The following APBA2 variants were observed in gnomAD, a reference collection of about 807,000 sequenced individuals.
APBA2 encodes the protein amyloid-beta A4 precursor protein-binding family A member 2.
In APBA2, 30 loss-of-function variants were observed where a neutral mutation model predicts 75.0. That is an observed-to-expected ratio of 0.40 (90% confidence interval 0.30 to 0.54). The LOEUF (loss-of-function observed/expected upper bound fraction) is 0.54. Among genes scored for constraint, APBA2 ranks in the 20% least tolerant of loss-of-function variants. The pLI is 0.49. For synonymous variants in APBA2, 444 were observed against 409.6 expected (o/e 1.08, Z -1.01); for missense variants, 801 against 1,016.1 (o/e 0.79, Z 2.88).
In APBA2 at chr15:29,054,843, C is replaced by T. The variant is rs2152890117; in HGVS notation, c.951+8C>T. On this transcript the variant is annotated splice_region_variant and intron_variant, in intron 4 of 14. Coordinates refer to ENST00000683413, the MANE Select transcript of APBA2 (RefSeq NM_001353788.2). This position sits in a 1 kb window ranked among gnomAD's most constrained non-coding sequence, Gnocchi z 6.1. The stretch of plus-strand genomic sequence containing the variant: ...AAGTGGCCCCACGAGCAGGTAGGAC[C>T]CTGGCTGTCCTGGGGAAGGGAGCAG... The T allele has an allele frequency of 1.3e-6, 2 of 1,593,454 alleles. No homozygotes were observed. Among genetic ancestry groups the T allele is most frequent in the Non-Finnish European group, 1.7e-6 (2 of 1,177,004 alleles).
At chr15:29,014,321 T>C (rs1002973531) in intron 3 of APBA2, among the ~76,000 whole-genome samples, 1 of 152,216 alleles carries the variant, frequency 6.6e-6, no homozygotes. Flanking sequence ...CCTTTGCAGA[T>C]TCTATATCGG....
chr15:29,043,511 A>T (rs748089882), intron 3 of APBA2, among the ~76,000 whole-genome samples: 1 of 152,214 alleles, frequency 6.6e-6, no homozygotes, highest in Non-Finnish European at 1.5e-5. Context: ...TGACTAGAGG[A>T]AGGAAATAGG....
chr15:28,975,614 A>G (rs1385451146), intron 2 of APBA2, among the ~76,000 whole-genome samples: 1 of 152,230 alleles, frequency 6.6e-6, no homozygotes, highest in Non-Finnish European at 1.5e-5. Flanking sequence ...ATCCAAAAGC[A>G]ATGTAAAAAA....
rs754436488 is a variant in APBA2, at chr15:29,106,825, C to T, written c.1917+6C>T. On this transcript the variant is annotated splice_donor_region_variant and intron_variant, in intron 12 of 14. Coordinates refer to ENST00000683413, the MANE Select transcript of APBA2 (RefSeq NM_001353788.2). ...CCTGCCAAGGCATCATCAAGGTAGGCACCCTGGGATCCTCCGCCCAGGGGT... is the reference window on the plus strand; with the variant it reads ...CCTGCCAAGGCATCATCAAGGTAGGTACCCTGGGATCCTCCGCCCAGGGGT... 6.8e-6 allele frequency: 11 copies of T among 1,611,960 alleles called. No homozygotes were observed. In the African/African-American group the frequency reaches 1.3e-4, roughly 20 times the overall value.
At chr15:29,094,419 T>A in intron 8 of APBA2, 106 bp downstream of exon 8, 1 of 1,092,444 alleles carries the variant, frequency 9.2e-7, no homozygotes, top group South Asian at 1.3e-5. Flanking sequence ...TAAATAATGT[T>A]GCAAAGCAGC....
intron 1 of APBA2, among the ~76,000 whole-genome samples, chr15:28,908,605 G>C (rs1370401279): frequency 6.6e-6 from 1 of 152,002 alleles, no homozygotes; most frequent in Non-Finnish European, 1.5e-5. Context: ...CACTGCACCA[G>C]GCCCACTGAG....
chr15:29,045,884 A>G (rs2041301713), intron 3 of APBA2, among the ~76,000 whole-genome samples: 1 of 152,208 alleles, frequency 6.6e-6, no homozygotes, highest in South Asian at 2.1e-4. Context: ...GTCTGCCCAC[A>G]TCAGTTTCAC....
At position 29,001,029 on chromosome 15, in the gene APBA2, G is replaced by A. The variant is rs76572972; in HGVS notation, c.-41+5223G>A. On this transcript the variant is annotated intron_variant, in intron 3 of 14. Transcript: ENST00000683413. Reference sequence around the variant, plus strand: ...TTTATCTTCACAGACGAGGCTCATGGGCTTCACTTTTTGGGACCTTAGGTG... The same window carrying A: ...TTTATCTTCACAGACGAGGCTCATGAGCTTCACTTTTTGGGACCTTAGGTG... 9.9e-3 allele frequency among the ~76,000 whole-genome samples: 1,500 copies of A among 151,918 alleles called. 27 individuals carry two copies. The highest frequency in any genetic ancestry group is 0.034 in the African/African-American group (1,424 of 41,406).
intron 2 of APBA2, among the ~76,000 whole-genome samples, chr15:28,944,472 C>T (rs902272): frequency 0.2 from 30,193 of 152,208 alleles, 3,703 homozygotes; most frequent in African/African-American, 0.35. Flanking sequence ...TCCGCCCTTC[C>T]GCAGGACACC....
At chr15:28,889,440 C>G (rs1440702541) in intron 1 of APBA2, among the ~76,000 whole-genome samples, 3 of 152,224 alleles carry the variant, frequency 2.0e-5, no homozygotes, top group African/African-American at 4.8e-5. Flanking sequence ...AGGTGTGTCA[C>G]CATTGCCCAG....
intron 2 of APBA2, among the ~76,000 whole-genome samples, chr15:28,941,017 T>G (rs1442104237): frequency 6.6e-6 from 1 of 152,234 alleles, no homozygotes; most frequent in Non-Finnish European, 1.5e-5. Flanking sequence ...GTATGCAGTA[T>G]GTTTAAGTCC....
chr15:28,939,094 AGTGGAATC>A (rs1241386164), intron 2 of APBA2, among the ~76,000 whole-genome samples: 1 of 152,052 alleles, frequency 6.6e-6, no homozygotes, highest in Non-Finnish European at 1.5e-5. Context: ...ACCTCATGTA[AGTGGAATC>A]GTGCAGTATT....
chr15:28,907,517 C>T (rs1196142960), intron 1 of APBA2, among the ~76,000 whole-genome samples: 1 of 152,176 alleles, frequency 6.6e-6, no homozygotes, highest in East Asian at 1.9e-4. Flanking sequence ...AGCAGCTGTC[C>T]GTGGGCTCCC....
rs937049 is a variant in APBA2 at position 28,991,711 on chromosome 15, C to T, written c.-94-4042C>T. On this transcript the variant is annotated intron_variant, in intron 2 of 14. Coordinates refer to ENST00000683413, the MANE Select transcript of APBA2 (RefSeq NM_001353788.2). This position sits in a 1 kb window ranked among gnomAD's most constrained non-coding sequence, Gnocchi z 4.7. ...CTCTGTCTTTGATGCACCCTGATGC[C>T]TCCCCCATCCTGCTGACCATGGTGC... is the stretch of plus-strand genomic sequence containing the variant. 0.22 allele frequency among the ~76,000 whole-genome samples: 33,100 copies of T among 152,124 alleles called. 6,531 individuals carry two copies. The highest frequency in any genetic ancestry group is 0.52 in the African/African-American group (21,355 of 41,454).
chr15:28,947,404 AG>A lies in APBA2; in HGVS notation c.-95+25657del, dbSNP rs201430717. 4.7e-3 allele frequency among the ~76,000 whole-genome samples: 721 copies of A among 152,210 alleles called. 5 individuals carry two copies. Among genetic ancestry groups the A allele is most frequent in the African/African-American group, 0.016 (684 of 41,516 alleles). On this transcript the variant is annotated intron_variant, in intron 2 of 14. Transcript: ENST00000683413. ...GGACAGAGGCTGGAGTATCCTTGAG[AG>A]GCTGTGCGTTCTCTCGGCTTCTTTT... is the stretch of plus-strand genomic sequence containing the variant.
At chr15:28,922,121 T>C (rs1302217948) in intron 2 of APBA2, among the ~76,000 whole-genome samples, 1 of 152,114 alleles carries the variant, frequency 6.6e-6, no homozygotes, top group Admixed American at 6.5e-5. Flanking sequence ...GCTGTGCTGC[T>C]TTCTTGGGCA....
At chr15:28,924,546 T>C (rs2034153408) in intron 2 of APBA2, among the ~76,000 whole-genome samples, 1 of 152,216 alleles carries the variant, frequency 6.6e-6, no homozygotes, top group Non-Finnish European at 1.5e-5. Flanking sequence ...CTTCTTTGGC[T>C]TAGCATGAAG....
intron 14 of APBA2, 89 bp from the exon 15 acceptor site, chr15:29,116,973 T>TG (rs1405743289): frequency 1.7e-5 from 24 of 1,387,682 alleles, no homozygotes; most frequent in South Asian, 6.9e-5. Flanking sequence ...AGCAGAACTC[T>TG]GGGGGGTTTG....
At chr15:29,030,840 A>C (rs1243435710) in intron 3 of APBA2, among the ~76,000 whole-genome samples, 1 of 151,920 alleles carries the variant, frequency 6.6e-6, no homozygotes, top group African/African-American at 2.4e-5. Flanking sequence ...TTTATATCCC[A>C]TCTCATTTTT....
Sources: gnomAD v4.1 joint callset for allele counts (sites outside exome capture counted in the v4.1 genomes callset) on GRCh38, gnomAD v4.1.1 for gene constraint, Gnocchi (gnomAD v3.1) non-coding constraint, MANE v1.5 for transcripts, NCBI Gene and HGNC (gene_info 2026-07-23, HGNC 2026-07-21) for gene names.